Variants in NCAM2 observed in about 807,000 individuals in gnomAD.
NCAM2 encodes the protein N-CAM-2.
NCAM2 carries 30 observed loss-of-function variants against 98.1 expected under a neutral mutation model. The observed-to-expected ratio is 0.31, with a 90% CI of 0.23 to 0.41. The LOEUF (loss-of-function observed/expected upper bound fraction) is 0.41. NCAM2 is among the 10% of genes least tolerant of loss of function. The pLI is 1.00. For synonymous variants in NCAM2, 368 were observed against 342.4 expected (o/e 1.07, Z -0.83); for missense variants, 867 against 1,005.8 (o/e 0.86, Z 1.87).
intron 9 of NCAM2, among the ~76,000 whole-genome samples, chr21:21,394,337 G>A (rs1292285933): frequency 6.6e-6 from 1 of 151,744 alleles, no homozygotes; most frequent in Non-Finnish European, 1.5e-5. Context: ...AGATATATTA[G>A]TTTTTACTCC....
chr21:21,250,396 T>C (rs1411289655), intron 1 of NCAM2, among the ~76,000 whole-genome samples: 1 of 152,214 alleles, frequency 6.6e-6, no homozygotes, highest in African/African-American at 2.4e-5. Context: ...AATGCAACCA[T>C]AGGTGCTGTG....
intron 1 of NCAM2, among the ~76,000 whole-genome samples, chr21:21,123,230 C>T (rs2066712323): frequency 6.6e-6 from 1 of 151,852 alleles, no homozygotes; most frequent in Admixed American, 6.6e-5. Context: ...CCGGTCTGTA[C>T]TAAAAATACA....
chr21:21,280,359 T>C (rs1233937419), intron 1 of NCAM2, among the ~76,000 whole-genome samples: 2 of 152,202 alleles, frequency 1.3e-5, no homozygotes, highest in African/African-American at 4.8e-5. Flanking sequence ...GACTATCAGC[T>C]TGAAGAAGTG....
intron 1 of NCAM2, 56 bp downstream of exon 1, chr21:20,998,674 G>T: frequency 3.3e-6 from 5 of 1,496,930 alleles, no homozygotes; most frequent in Non-Finnish European, 4.6e-6. Context: ...ACCCGGCCAA[G>T]AGAGGCAAAG....
At chr21:21,233,894 C>T (rs1378953372) in intron 1 of NCAM2, among the ~76,000 whole-genome samples, 2 of 151,398 alleles carry the variant, frequency 1.3e-5, no homozygotes, top group Non-Finnish European at 3.0e-5. Context: ...TATTATATAC[C>T]ATTATCAATA....
intron 1 of NCAM2, among the ~76,000 whole-genome samples, chr21:21,035,021 G>A (rs1485552717): frequency 2.0e-5 from 3 of 152,004 alleles, no homozygotes; most frequent in African/African-American, 4.8e-5. Flanking sequence ...GTATGAATTG[G>A]GTAAATTCCT....
At chr21:21,437,777 G>A (rs1432400015) in intron 12 of NCAM2, among the ~76,000 whole-genome samples, 1 of 151,998 alleles carries the variant, frequency 6.6e-6, no homozygotes, top group Non-Finnish European at 1.5e-5. Flanking sequence ...TTCCTTTTCT[G>A]TGAGATAATC....
intron 9 of NCAM2, among the ~76,000 whole-genome samples, chr21:21,383,651 A>G (rs547045697): frequency 2.4e-4 from 36 of 152,206 alleles, no homozygotes; most frequent in African/African-American, 8.7e-4. Context: ...AGTAGTGAAG[A>G]TGTACTATCT....
intron 1 of NCAM2, among the ~76,000 whole-genome samples, chr21:21,214,719 TTCCATATATA>T (rs1426564825): frequency 3.6e-5 from 1 of 27,910 alleles, no homozygotes; most frequent in East Asian, 5.7e-4. Flanking sequence ...AATATATATA[TTCCATATATA>T]TATATATATA....
At chr21:21,079,089 G>T (rs1170512417) in intron 1 of NCAM2, among the ~76,000 whole-genome samples, 2 of 152,084 alleles carry the variant, frequency 1.3e-5, no homozygotes, top group African/African-American at 2.4e-5. Context: ...TACATGCAGG[G>T]CTTAAAACCT....
chr21:21,209,629 G>A (rs1327157673), intron 1 of NCAM2, among the ~76,000 whole-genome samples: 1 of 152,088 alleles, frequency 6.6e-6, no homozygotes, highest in Non-Finnish European at 1.5e-5. Flanking sequence ...AAAGGTATAG[G>A]TTATTGCAGA....
At chr21:21,430,729 G>A (rs2077316891) in intron 11 of NCAM2, among the ~76,000 whole-genome samples, 1 of 151,896 alleles carries the variant, frequency 6.6e-6, no homozygotes, top group Non-Finnish European at 1.5e-5. Context: ...TTCCACCCTT[G>A]ACACATGGGG....
At chr21:21,266,385 C>T (rs1319133436) in intron 1 of NCAM2, among the ~76,000 whole-genome samples, 3 of 151,952 alleles carry the variant, frequency 2.0e-5, no homozygotes, top group African/African-American at 7.3e-5. Flanking sequence ...CTTTTCTCAG[C>T]AAAAATTGCA....
At chr21:21,248,559 G>A (rs532630083) in intron 1 of NCAM2, among the ~76,000 whole-genome samples, 3 of 151,772 alleles carry the variant, frequency 2.0e-5, no homozygotes, top group African/African-American at 4.8e-5. Context: ...AGCGGGTCAC[G>A]AGGTCAGGAG....
chr21:21,376,400 G>T (rs1165667449), intron 9 of NCAM2, among the ~76,000 whole-genome samples: 1 of 151,770 alleles, frequency 6.6e-6, no homozygotes, highest in Non-Finnish European at 1.5e-5. Context: ...ACACAAAGAT[G>T]AATAAAACAT....
chr21:21,351,122 A>AG (rs1310957686), intron 8 of NCAM2, among the ~76,000 whole-genome samples: 1 of 36,380 alleles, frequency 2.7e-5, no homozygotes, highest in African/African-American at 8.6e-5. Flanking sequence ...TGTCTCAAAA[A>AG]AAAAAAAAAA....
chr21:21,479,255 T>C (rs1985545720), intron 15 of NCAM2, among the ~76,000 whole-genome samples: 1 of 152,028 alleles, frequency 6.6e-6, no homozygotes, highest in Admixed American at 6.6e-5. Flanking sequence ...CACAGATTAC[T>C]AAATGTTATA....
intron 9 of NCAM2, among the ~76,000 whole-genome samples, chr21:21,388,680 T>C (rs2076318873): frequency 6.6e-6 from 1 of 152,204 alleles, no homozygotes; most frequent in African/African-American, 2.4e-5. Flanking sequence ...ATTTAAAATG[T>C]GATGCTCGAT....
In NCAM2 at chr21:21,288,467, A is replaced by C. The variant is rs183086889; in HGVS notation, c.481+2055A>C. The stretch of plus-strand genomic sequence containing the variant: ...AAAATCCAATGTAGAAGAAATGGGT[A>C]TAGTTTAACGTGAAACATAACACTA... On this transcript the variant is annotated intron_variant, in intron 4 of 17. Transcript: ENST00000400546. Among the ~76,000 whole-genome samples the C allele has an allele frequency of 1.8e-4, 28 of 151,856 alleles. No homozygotes were observed. The East Asian group carries it at 5.4e-3, about 29-fold the overall frequency.
Sources: allele counts gnomAD v4.1 joint callset (sites outside exome capture counted in the v4.1 genomes callset), GRCh38; gene constraint gnomAD v4.1.1; transcripts MANE v1.5; gene names NCBI Gene and HGNC (gene_info 2026-07-23, HGNC 2026-07-21).